CNBD1: variants seen among roughly 807,000 people sequenced by gnomAD.
CNBD1 encodes cyclic nucleotide binding domain containing 1, also known as cyclic nucleotide-binding domain-containing protein 1.
CNBD1 carries 71 observed loss-of-function variants against 54.4 expected under a neutral mutation model. That is an observed-to-expected ratio of 1.30 (90% CI 1.08 to 1.59). The LOEUF (loss-of-function observed/expected upper bound fraction) is 1.59, where lower values mean the gene tolerates loss of function less well. CNBD1 is among the 40% of genes most tolerant of loss of function. The pLI is 0.00. For synonymous variants in CNBD1, 182 were observed against 170.7 expected (o/e 1.07, Z -0.51); for missense variants, 659 against 518.0 (o/e 1.27, Z -2.64).
chr8:87,139,013 A>G (rs1403793860), intron 4 of CNBD1, among the ~76,000 whole-genome samples: 3 of 152,206 alleles, frequency 2.0e-5, no homozygotes, highest in African/African-American at 7.2e-5. Flanking sequence ...AAGAGGAGAT[A>G]ATTTAGCAGC....
chr8:87,380,204 T>A (rs1811046116), intron 10 of CNBD1, among the ~76,000 whole-genome samples: 1 of 151,990 alleles, frequency 6.6e-6, no homozygotes, highest in Admixed American at 6.6e-5. Context: ...AAATGTCAAA[T>A]GTCAAGATAG....
chr8:87,068,151 C>T (rs1178099601), intron 4 of CNBD1, among the ~76,000 whole-genome samples: 1 of 151,824 alleles, frequency 6.6e-6, no homozygotes, highest in Non-Finnish European at 1.5e-5. Flanking sequence ...GCAAGCATGA[C>T]TTACTGGGTT....
At chr8:87,398,861 A>G (rs765083988) in intron 2 of CNBD1, among the ~76,000 whole-genome samples, 4 of 152,028 alleles carry the variant, frequency 2.6e-5, no homozygotes, top group Non-Finnish European at 5.9e-5. Flanking sequence ...CAGAATATTT[A>G]CTGACCAAGA....
At chr8:87,152,400 A>T (rs149705139) in intron 4 of CNBD1, among the ~76,000 whole-genome samples, 2 of 151,992 alleles carry the variant, frequency 1.3e-5, no homozygotes, top group East Asian at 3.9e-4. Context: ...GTCTTTGGCC[A>T]CACAGAAAAT....
At chr8:87,194,474 A>G (rs1395387451) in intron 4 of CNBD1, among the ~76,000 whole-genome samples, 2 of 152,202 alleles carry the variant, frequency 1.3e-5, no homozygotes, top group African/African-American at 4.8e-5. Flanking sequence ...ATTCTTAATT[A>G]TGTAACCAAA....
chr8:87,422,754 C>T (rs1234285078), intron 2 of CNBD1, among the ~76,000 whole-genome samples: 12 of 152,026 alleles, frequency 7.9e-5, no homozygotes, highest in East Asian at 1.9e-4. Context: ...CTTGACGATG[C>T]GGGCTCTTTT....
chr8:87,113,563 T>C (rs1462741813), intron 4 of CNBD1, among the ~76,000 whole-genome samples: 6 of 152,182 alleles, frequency 3.9e-5, no homozygotes, highest in Non-Finnish European at 1.5e-5. Flanking sequence ...AAGAAAATAA[T>C]ATGTATGTTT....
At chr8:86,894,630 G>T (rs543243555) in intron 2 of CNBD1, among the ~76,000 whole-genome samples, 4 of 152,184 alleles carry the variant, frequency 2.6e-5, no homozygotes, top group Non-Finnish European at 4.4e-5. Flanking sequence ...AATGACGTGT[G>T]TTCAATGTTA....
chr8:87,167,348 A>G (rs1010108825), intron 4 of CNBD1, among the ~76,000 whole-genome samples: 8 of 151,952 alleles, frequency 5.3e-5, no homozygotes, highest in Non-Finnish European at 8.8e-5. Flanking sequence ...CTTTCTAGCT[A>G]TTTGAAATTA....
chr8:87,055,883 TTTCCTTCCTTCCTTCCTTCC>T (rs71277912), intron 4 of CNBD1, among the ~76,000 whole-genome samples: 5,065 of 92,942 alleles, frequency 0.054, 173 homozygotes, highest in Middle Eastern at 0.066. Flanking sequence ...CTGCTTGACC[TTTCCTTCCTTCCTTCCTTCC>T]TTCCTTCCTT....
At chr8:87,231,229 T>G (rs1415424994) in intron 5 of CNBD1, among the ~76,000 whole-genome samples, 1 of 152,224 alleles carries the variant, frequency 6.6e-6, no homozygotes, top group African/African-American at 2.4e-5. Flanking sequence ...AGTGAACATA[T>G]ATTACTTTGT....
At chr8:87,289,623 TAATTGG>T (rs147900928) in intron 8 of CNBD1, among the ~76,000 whole-genome samples, 1 of 152,278 alleles carries the variant, frequency 6.6e-6, no homozygotes, top group Non-Finnish European at 1.5e-5. Flanking sequence ...GCAAACATGT[TAATTGG>T]AAAAACTAAA....
chr8:87,324,700 C>T (rs1198971074), intron 8 of CNBD1, among the ~76,000 whole-genome samples: 5 of 151,642 alleles, frequency 3.3e-5, no homozygotes, highest in South Asian at 4.2e-4. Context: ...CTCTTTTTTT[C>T]TTAGTAGTCT....
intron 4 of CNBD1, among the ~76,000 whole-genome samples, chr8:86,997,394 A>T (rs969581623): frequency 1.3e-5 from 2 of 152,178 alleles, no homozygotes; most frequent in Admixed American, 6.6e-5. Context: ...GTTGTCTTCT[A>T]TCATTGCCTT....
intron 4 of CNBD1, among the ~76,000 whole-genome samples, chr8:87,197,074 G>T (rs1563504028): frequency 6.6e-6 from 1 of 152,092 alleles, no homozygotes; most frequent in Non-Finnish European, 1.5e-5. Flanking sequence ...ATGTGGTCTG[G>T]ATAACTCATA....
At chr8:87,082,689 A>G (rs1047977516) in intron 4 of CNBD1, among the ~76,000 whole-genome samples, 1 of 152,008 alleles carries the variant, frequency 6.6e-6, no homozygotes, top group African/African-American at 2.4e-5. Flanking sequence ...ATTCAATCAG[A>G]TAATCTCTGT....
Position 87,351,753 on chromosome 8 carries a change from A to C in CNBD1, c.1111A>C (p.Arg371=). 1 of 1,529,568 alleles carries C rather than the reference A, an allele frequency of 6.5e-7. No individual in the cohort carries two copies. Among genetic ancestry groups the C allele is most frequent in the Non-Finnish European group, 8.7e-7 (1 of 1,143,852 alleles). 94.7% of individuals were successfully genotyped at this position (1,529,568 alleles called of 1,614,324 possible). A position where few individuals can be genotyped will look rare whatever the true frequency, so the allele number is the denominator to read the frequency against. Residue 371 remains arginine (R), a synonymous_variant, in exon 9 of 11, where the codon AGA becomes CGA. Transcript: ENST00000518476. ...YINSGCCNIY[R]SIIGFVKLRS... ...TAACTCTGGATGCTGTAACATTTAT[A>C]GAAGTATTATAGGATTTGTGAAACT...
intron 8 of CNBD1, among the ~76,000 whole-genome samples, chr8:87,302,254 A>T (rs1374653063): frequency 6.6e-6 from 1 of 152,178 alleles, no homozygotes; most frequent in Non-Finnish European, 1.5e-5. Flanking sequence ...ATACTGGCAA[A>T]CTGAATCCAG....
At chr8:86,947,820 A>G (rs1807504183) in intron 4 of CNBD1, among the ~76,000 whole-genome samples, 1 of 152,102 alleles carries the variant, frequency 6.6e-6, no homozygotes, top group African/African-American at 2.4e-5. Flanking sequence ...TATTGACTAT[A>G]GTCATCCTGT....
Sources: allele counts gnomAD v4.1 joint callset (sites outside exome capture counted in the v4.1 genomes callset), GRCh38; gene constraint gnomAD v4.1.1; transcripts MANE v1.5; gene names NCBI Gene and HGNC (gene_info 2026-07-23, HGNC 2026-07-21).